CDIP1: variants seen among roughly 807,000 people sequenced by gnomAD.
CDIP1 encodes cell death inducing p53 target 1.
Under a neutral mutation model 17.7 loss-of-function variants are expected in CDIP1, and 9 were observed. That is an observed-to-expected ratio of 0.51 (90% CI 0.31 to 0.89). CDIP1 has a LOEUF of 0.89. Among genes scored for constraint, CDIP1 ranks in the 40% least tolerant of loss-of-function variants. The probability of loss-of-function intolerance (pLI) is 0.05; values close to 1 mark genes in which losing one functional copy is unlikely to be tolerated. For missense variants in CDIP1, 263 were observed against 277.9 expected (o/e 0.95, Z 0.38); for synonymous variants, 117 against 109.5 (o/e 1.07, Z -0.43).
chr16:4,522,078 C>A (rs1285757638), intron 1 of CDIP1, among the ~76,000 whole-genome samples: 1 of 152,162 alleles, frequency 6.6e-6, no homozygotes, highest in Non-Finnish European at 1.5e-5. Flanking sequence ...CAAGGGGATG[C>A]CTCTACCGGA....
intron 1 of CDIP1, among the ~76,000 whole-genome samples, chr16:4,530,648 C>CA (rs71139637): frequency 0.53 from 76,738 of 143,682 alleles, 23,570 homozygotes; most frequent in Non-Finnish European, 0.69. Context: ...GACTCCATCT[C>CA]AAAAAAAAAA....
chr16:4,532,742 GGGCCACAGAGAAATGCGTCATGGTGT>G (rs2059068578), intron 1 of CDIP1: 1 of 152,170 alleles, frequency 6.6e-6, no homozygotes, highest in Admixed American at 6.6e-5. Context: ...AATTTTACTG[GGGCCACAGAGAAATGCGTCATGGTGT>G]GGCCACTGTC....
chr16:4,530,322 C>G (rs772169117), intron 1 of CDIP1, among the ~76,000 whole-genome samples: 1 of 152,200 alleles, frequency 6.6e-6, no homozygotes, highest in Non-Finnish European at 1.5e-5. Flanking sequence ...GGGTGTGAAA[C>G]AAACTGAATT....
rs79268703 is a variant in CDIP1 at position 4,525,408 on chromosome 16, G to A, written c.-104-10744C>T. Among the ~76,000 whole-genome samples, 541 of 152,292 alleles carry A rather than the reference G, an allele frequency of 3.6e-3. 1 individual carries two copies. Among genetic ancestry groups the A allele is most frequent in the Non-Finnish European group, 5.6e-3 (379 of 68,028 alleles). On this transcript the variant is annotated intron_variant, in intron 1 of 5. Transcript: ENST00000567695. ...AGGAGGAGCTGAGGAGGACGATGGC[G>A]TGCAGTGAACGTTAATAGAGCATGC...
rs140181472 is a variant in CDIP1 at position 4,513,411 on chromosome 16, C to G, written c.241+285G>C. On this transcript the variant is annotated intron_variant, in intron 4 of 5. Transcript: ENST00000567695. The surrounding 1 kb of genome is among the most constrained non-coding windows in gnomAD (Gnocchi z 4.1). Reference sequence around the variant, plus strand: ...CATGACCAAGAGAGGGAAAGCCTTGCGGGTCACCCACCCCTCTCCTGCACA... The same window carrying G: ...CATGACCAAGAGAGGGAAAGCCTTGGGGGTCACCCACCCCTCTCCTGCACA... Among the ~76,000 whole-genome samples, 4 of 152,160 alleles carry G rather than the reference C, an allele frequency of 2.6e-5. No individual in the cohort carries two copies. Among genetic ancestry groups the G allele is most frequent in the Non-Finnish European group, 5.9e-5 (4 of 68,020 alleles).
chr16:4,524,843 C>A (rs772564273), intron 1 of CDIP1, among the ~76,000 whole-genome samples: 14 of 152,156 alleles, frequency 9.2e-5, no homozygotes, highest in African/African-American at 3.1e-4. Flanking sequence ...GTGGCTCACA[C>A]CTGTAATTCC....
At chr16:4,519,349 G>A (rs1003534666) in intron 1 of CDIP1, among the ~76,000 whole-genome samples, 3 of 152,230 alleles carry the variant, frequency 2.0e-5, no homozygotes, top group African/African-American at 4.8e-5. Context: ...TGGCATTCAA[G>A]TCTGATGCTA....
chr16:4,530,575 C>T (rs1041981478), intron 1 of CDIP1, among the ~76,000 whole-genome samples: 30 of 151,344 alleles, frequency 2.0e-4, no homozygotes, highest in African/African-American at 6.3e-4. Flanking sequence ...CTTGAACCCA[C>T]GAGGTGGAGC....
chr16:4,529,505 C>A (rs1468975905), intron 1 of CDIP1, among the ~76,000 whole-genome samples: 1 of 152,262 alleles, frequency 6.6e-6, no homozygotes, highest in Non-Finnish European at 1.5e-5. Context: ...GAAGGAAGCA[C>A]AGACAGGAGG....
intron 1 of CDIP1, among the ~76,000 whole-genome samples, chr16:4,535,694 A>G (rs572515415): frequency 5.9e-5 from 9 of 152,358 alleles, no homozygotes; most frequent in African/African-American, 2.2e-4. Flanking sequence ...GATGACTCAC[A>G]GAGTAGGAGA....
Position 4,513,988 on chromosome 16 carries a change from AC to A in CDIP1, c.85+57del. The A allele has an allele frequency of 1.5e-6, 2 of 1,349,916 alleles. No individual in the cohort carries two copies. Among genetic ancestry groups the A allele is most frequent in the Non-Finnish European group, 2.0e-6 (2 of 997,632 alleles). The allele number at this position is 1,349,916 out of a possible 1,614,324, so 83.6% of individuals were successfully genotyped here. ...GGGCATCACCACTTAGAGAGTCCCAACCATGCCATGGCGGCAGGGGGCTGCA... is the reference window on the plus strand; with the variant it reads ...GGGCATCACCACTTAGAGAGTCCCAACATGCCATGGCGGCAGGGGGCTGCA... On this transcript the variant is annotated intron_variant, in intron 3 of 5. Transcript: ENST00000567695. The surrounding 1 kb of genome is among the most constrained non-coding windows in gnomAD (Gnocchi z 4.1).
Position 4,513,984 on chromosome 16 carries a change from C to G in CDIP1, c.85+62G>C. On this transcript the variant is annotated intron_variant, in intron 3 of 5. Coordinates refer to ENST00000567695, the MANE Select transcript of CDIP1 (RefSeq NM_013399.3). This position sits in a 1 kb window ranked among gnomAD's most constrained non-coding sequence, Gnocchi z 4.1. ...GAGTGGGCATCACCACTTAGAGAGT[C>G]CCAACCATGCCATGGCGGCAGGGGG... 1 of 1,344,908 alleles carries G rather than the reference C, an allele frequency of 7.4e-7. No individual in the cohort carries two copies. The highest frequency in any genetic ancestry group is 1.5e-5 in the South Asian group (1 of 68,702). The allele number at this position is 1,344,908 out of a possible 1,614,324, so 83.3% of individuals were successfully genotyped here.
intron 1 of CDIP1, among the ~76,000 whole-genome samples, chr16:4,525,348 A>G (rs1439371391): frequency 1.6e-4 from 24 of 151,930 alleles, no homozygotes; most frequent in Admixed American, 1.6e-3. Flanking sequence ...TTCTTCTGCA[A>G]CTCCAGTGCT....
intron 1 of CDIP1, among the ~76,000 whole-genome samples, chr16:4,534,395 C>T (rs1042456047): frequency 2.6e-5 from 4 of 152,242 alleles, no homozygotes; most frequent in African/African-American, 4.8e-5. Flanking sequence ...TCTTGAATTC[C>T]AGTCAACTCC....
rs2141623873 is a variant in CDIP1, at chr16:4,511,636, G to C, written c.*936C>G. On this transcript the variant is annotated 3_prime_UTR_variant, in exon 6 of 6. Coordinates refer to ENST00000567695, the MANE Select transcript of CDIP1 (RefSeq NM_013399.3). ...TGAGGGGCCCGGCACTTACAGGGAAGAAAATCCATGGAGAAGGCTCTGCAC... is the reference window on the plus strand; with the variant it reads ...TGAGGGGCCCGGCACTTACAGGGAACAAAATCCATGGAGAAGGCTCTGCAC... 6.6e-6 allele frequency: 1 copy of C among 152,500 alleles called. No homozygotes were observed. The highest frequency in any genetic ancestry group is 6.5e-5 in the Admixed American group (1 of 15,312). 9.4% of individuals were successfully genotyped at this position (152,500 alleles called of 1,614,324 possible).
intron 1 of CDIP1, among the ~76,000 whole-genome samples, chr16:4,538,144 A>C (rs1422820575): frequency 6.6e-6 from 1 of 152,100 alleles, no homozygotes; most frequent in African/African-American, 2.4e-5. Flanking sequence ...TGACGGAAAA[A>C]CGTGCGGGCG....
In CDIP1 at chr16:4,512,884, A is replaced by T; in HGVS notation, c.422T>A (p.Val141Glu). The T allele has an allele frequency of 1.9e-6, 3 of 1,565,748 alleles. No homozygotes were observed. Among genetic ancestry groups the T allele is most frequent in the Non-Finnish European group, 2.6e-6 (3 of 1,154,722 alleles). The change falls in exon 5 of 6, where the codon GTG (valine) becomes GAG (glutamate). Residue 141 changes from valine (V) to glutamate (E), a missense_variant. Coordinates refer to ENST00000567695, the MANE Select transcript of CDIP1 (RefSeq NM_013399.3). The surrounding 1 kb of genome is among the most constrained non-coding windows in gnomAD (Gnocchi z 4.6). Reference protein sequence around the residue: ...EIFEGAPVQTVCPHCQQAITT... With the variant: ...EIFEGAPVQTECPHCQQAITT... ...GATGGCCTGCTGGCAGTGGGGACAC[A>T]CCGTCTGCACAGGCGCTCCCTCAAA...
At chr16:4,530,136 T>A (rs1297172930) in intron 1 of CDIP1, among the ~76,000 whole-genome samples, 2 of 152,222 alleles carry the variant, frequency 1.3e-5, no homozygotes, top group Non-Finnish European at 2.9e-5. Flanking sequence ...ATTCTTTCAA[T>A]TATTTTGAAG....
At chr16:4,521,516 A>G (rs888471896) in intron 1 of CDIP1, among the ~76,000 whole-genome samples, 1 of 151,974 alleles carries the variant, frequency 6.6e-6, no homozygotes, top group African/African-American at 2.4e-5. Context: ...GCCCCACCCC[A>G]GGGATGTGCT....
Sources: allele counts gnomAD v4.1 joint callset (sites outside exome capture counted in the v4.1 genomes callset), GRCh38; gene constraint gnomAD v4.1.1; non-coding constraint Gnocchi (gnomAD v3.1); transcripts MANE v1.5; gene names NCBI Gene and HGNC (gene_info 2026-07-23, HGNC 2026-07-21).